INSL6: variants seen among roughly 807,000 people sequenced by gnomAD.
INSL6 encodes the protein insulin like 6.
A neutral mutation model predicts 9.4 loss-of-function variants in INSL6; 16 were observed. That is an observed-to-expected ratio of 1.70 (90% CI 1.15 to 2.59). The LOEUF is 2.59. INSL6 is among the 30% of genes most tolerant of loss of function. INSL6 has a pLI of 0.00. For missense variants in INSL6, 391 were observed against 257.3 expected, an observed-to-expected ratio of 1.52 and a Z score of -3.56; for synonymous variants, 154 against 96.9, an observed-to-expected ratio of 1.59 and a Z score of -3.46.
chr9:5,025,494 C>CT, the INSL6 span, among the ~76,000 whole-genome samples: 545 of 148,996 alleles, frequency 3.7e-3, 3 homozygotes, highest in Non-Finnish European at 5.9e-3. Context: ...CTTGCTCCTT[C>CT]TTTCTTTTCT....
chr9:5,050,791 G>C, the INSL6 span: 6 of 1,613,590 alleles, frequency 3.7e-6, no homozygotes, highest in Non-Finnish European at 5.1e-6. Context: ...AATAGCCAAA[G>C]AAAACGATCA....
chr9:5,002,282 C>G, the INSL6 span, among the ~76,000 whole-genome samples: 3 of 151,798 alleles, frequency 2.0e-5, no homozygotes, highest in Non-Finnish European at 3.0e-5. Context: ...GCATTTATAG[C>G]TATACATTCT....
At chr9:5,153,482 C>A (rs1479902409) in intron 2 of INSL6, among the ~76,000 whole-genome samples, 4 of 152,086 alleles carry the variant, frequency 2.6e-5, no homozygotes, top group Admixed American at 1.3e-4. Context: ...GGAAAGACTG[C>A]CTCAGGCAAG....
chr9:5,073,586 A>T, the INSL6 span: 1 of 788,988 alleles, frequency 1.3e-6, no homozygotes, highest in Non-Finnish European at 2.1e-6. Context: ...CCTCATCTAT[A>T]GTCATGCTGA....
chr9:5,181,326 A>T (rs985862081), intron 1 of INSL6, among the ~76,000 whole-genome samples: 2 of 152,194 alleles, frequency 1.3e-5, no homozygotes, highest in Admixed American at 1.3e-4. Context: ...TAACGATAAA[A>T]GGCCAAATAA....
the INSL6 span, among the ~76,000 whole-genome samples, chr9:5,009,401 A>G: frequency 3.1e-4 from 47 of 152,264 alleles, no homozygotes; most frequent in African/African-American, 1.1e-3. Flanking sequence ...CAGGAACACT[A>G]TGAAATGCCC....
the INSL6 span, among the ~76,000 whole-genome samples, chr9:5,032,771 G>A: frequency 2.6e-5 from 4 of 152,114 alleles, no homozygotes; most frequent in Non-Finnish European, 5.9e-5. Context: ...AAGACAAAAG[G>A]TAGATAAAAC....
rs1483341644 is a variant in INSL6 at position 5,138,730 on chromosome 9, T to A, written c.377-5138A>T. Among the ~76,000 whole-genome samples, 13 of 150,354 alleles carry A rather than the reference T, an allele frequency of 8.6e-5. 1 individual carries two copies. ...ATGTACCCCAGAACTTAAACTATAA[T>A]AAAAAAAAATAATAAAAGTACTGAA... On this transcript the variant is annotated intron_variant, in intron 2 of 3. Transcript: ENST00000649639.
the INSL6 span, among the ~76,000 whole-genome samples, chr9:5,048,447 C>G: frequency 6.6e-6 from 1 of 152,072 alleles, no homozygotes; most frequent in Non-Finnish European, 1.5e-5. Flanking sequence ...AGCCCATCTA[C>G]TAGTTCTATA....
At chr9:5,105,570 A>C in the INSL6 span, among the ~76,000 whole-genome samples, 4 of 152,238 alleles carry the variant, frequency 2.6e-5, no homozygotes, top group Non-Finnish European at 4.4e-5. Flanking sequence ...ACTACTTTCA[A>C]GTTCATATGG....
chr9:5,022,148 A>T, the INSL6 span: 1 of 1,614,194 alleles, frequency 6.2e-7, no homozygotes, highest in South Asian at 1.1e-5. Context: ...GAGGCAGATT[A>T]TCTGACCTTT....
the INSL6 span, among the ~76,000 whole-genome samples, chr9:5,012,079 CTGACTCCCAT>C: frequency 6.6e-6 from 1 of 152,224 alleles, no homozygotes; most frequent in Non-Finnish European, 1.5e-5. Flanking sequence ...TCAGGCCCCA[CTGACTCCCAT>C]TTTCCTGAGA....
chr9:5,163,889 A>G lies in INSL6; in HGVS notation c.*24T>C, dbSNP rs778496784. The G allele has an allele frequency of 6.3e-6, 9 of 1,428,910 alleles. No homozygotes were observed. The South Asian group carries it at 9.4e-5, about 15-fold the overall frequency. 88.5% of individuals were successfully genotyped at this position (1,428,910 alleles called of 1,614,324 possible). On this transcript the variant is annotated 3_prime_UTR_variant, in exon 2 of 2. Transcript: ENST00000381641. Reference sequence around the variant, plus strand: ...TAAATAAATGTATTAAGCTTTTATTAGGTTAGAAAAAATTCTAAGATGGTT... The same window carrying G: ...TAAATAAATGTATTAAGCTTTTATTGGGTTAGAAAAAATTCTAAGATGGTT...
the INSL6 span, among the ~76,000 whole-genome samples, chr9:5,074,774 C>T: frequency 8.5e-5 from 13 of 152,180 alleles, no homozygotes; most frequent in African/African-American, 2.4e-4. Context: ...AAGCAGCAAA[C>T]GCTGATGTGG....
At chr9:5,031,333 A>G in the INSL6 span, among the ~76,000 whole-genome samples, 1 of 152,232 alleles carries the variant, frequency 6.6e-6, no homozygotes. Context: ...AATGGTATCT[A>G]TTATTAAAGC....
the INSL6 span, among the ~76,000 whole-genome samples, chr9:5,106,144 T>C: frequency 2.0e-5 from 3 of 151,760 alleles, no homozygotes; most frequent in Non-Finnish European, 4.4e-5. Context: ...TGGGAGAAAA[T>C]TTTTGCAATC....
chr9:5,144,352 C>T (rs191582394), intron 2 of INSL6, among the ~76,000 whole-genome samples: 21 of 152,296 alleles, frequency 1.4e-4, no homozygotes, highest in East Asian at 5.8e-4. Flanking sequence ...TTTTATGGCA[C>T]TGTGGTACGA....
intron 2 of INSL6, among the ~76,000 whole-genome samples, chr9:5,157,053 T>C (rs1416931217): frequency 4.6e-5 from 7 of 152,104 alleles, no homozygotes; most frequent in Admixed American, 1.3e-4. Flanking sequence ...TAGAGGTACA[T>C]TTAACAACAT....
At chr9:5,098,632 G>C in the INSL6 span, 2 of 151,770 alleles carry the variant, frequency 1.3e-5, no homozygotes, top group African/African-American at 4.8e-5. Flanking sequence ...TACTGTCAAA[G>C]CAATTGGTCA....
Sources: allele counts gnomAD v4.1 joint callset (sites outside exome capture counted in the v4.1 genomes callset), GRCh38; gene constraint gnomAD v4.1.1; transcripts MANE v1.5; gene names NCBI Gene and HGNC (gene_info 2026-07-23, HGNC 2026-07-21).